Variants in KANK1 observed in about 807,000 individuals in gnomAD.
KANK1 encodes KN motif and ankyrin repeat domain-containing protein 1.
A neutral mutation model predicts 106.2 loss-of-function variants in KANK1; 109 were observed. That is an observed-to-expected ratio of 1.03 (90% CI 0.88 to 1.20). The LOEUF (loss-of-function observed/expected upper bound fraction) is 1.20. KANK1 is among the 50% of genes most tolerant of loss of function. The pLI is 0.00. For missense variants in KANK1, 2,399 were observed against 1,710.7 expected (o/e 1.40, Z -7.10); for synonymous variants, 873 against 652.2 (o/e 1.34, Z -5.16).
chr9:534,644 T>C (rs2060214480), intron 1 of KANK1, among the ~76,000 whole-genome samples: 1 of 152,226 alleles, frequency 6.6e-6, no homozygotes, highest in South Asian at 2.1e-4. Context: ...ATTTAACTAT[T>C]GATTGTTCAT....
chr9:676,830 G>A (rs974762026), intron 1 of KANK1, 60 bp from the exon 2 acceptor site: 4 of 612,572 alleles, frequency 6.5e-6, no homozygotes, highest in Non-Finnish European at 1.1e-5. Flanking sequence ...AGAAGTCTAA[G>A]ATTTAGTTTG....
intron 2 of KANK1, chr9:684,093 C>A (rs1402377714): frequency 1.1e-6 from 1 of 888,822 alleles, no homozygotes; most frequent in African/African-American, 1.9e-5. Context: ...TTGAAAAGCC[C>A]CTGGCTCATC....
chr9:677,954 G>A (rs1816731844), intron 2 of KANK1, among the ~76,000 whole-genome samples: 1 of 152,198 alleles, frequency 6.6e-6, no homozygotes, highest in African/African-American at 2.4e-5. Context: ...GGACCAGTGA[G>A]CGCACCAGAA....
At chr9:512,980 A>G (rs1563694939) in intron 1 of KANK1, among the ~76,000 whole-genome samples, 1 of 152,206 alleles carries the variant, frequency 6.6e-6, no homozygotes, top group Non-Finnish European at 1.5e-5. Context: ...CCGTAGAGAT[A>G]TGGAAAACTC....
intron 5 of KANK1, 35 bp downstream of exon 5, chr9:731,301 G>A: frequency 7.8e-7 from 1 of 1,276,360 alleles, no homozygotes; most frequent in Non-Finnish European, 1.1e-6. Context: ...GGCTAATGCT[G>A]TCAGTCTCCT....
At chr9:736,046 C>A (rs1833710730) in intron 7 of KANK1, among the ~76,000 whole-genome samples, 1 of 152,136 alleles carries the variant, frequency 6.6e-6, no homozygotes, top group African/African-American at 2.4e-5. Context: ...CAAGCTCCGC[C>A]TCCCGGGTTC....
intron 1 of KANK1, among the ~76,000 whole-genome samples, chr9:666,149 C>T (rs894772755): frequency 6.6e-6 from 1 of 151,292 alleles, no homozygotes; most frequent in Non-Finnish European, 1.5e-5. Context: ...TGACAGAGTG[C>T]AAACCTGGGT....
chr9:591,009 A>T (rs1312550450), intron 1 of KANK1, among the ~76,000 whole-genome samples: 1 of 151,824 alleles, frequency 6.6e-6, no homozygotes, highest in Non-Finnish European at 1.5e-5. Context: ...GTTTAAAACA[A>T]ACAAACAAAA....
intron 1 of KANK1, among the ~76,000 whole-genome samples, chr9:511,735 A>G (rs1057066240): frequency 1.3e-5 from 2 of 152,238 alleles, no homozygotes; most frequent in Non-Finnish European, 2.9e-5. Flanking sequence ...TTAAAATAAA[A>G]ACAAAACTCA....
intron 8 of KANK1, among the ~76,000 whole-genome samples, chr9:739,064 T>C (rs1834610238): frequency 6.6e-6 from 1 of 152,212 alleles, no homozygotes; most frequent in Admixed American, 6.5e-5. Flanking sequence ...GGGCATGTTA[T>C]TCTTGTCTCT....
chr9:594,657 T>G (rs999299013), intron 1 of KANK1, among the ~76,000 whole-genome samples: 1 of 151,866 alleles, frequency 6.6e-6, no homozygotes, highest in Non-Finnish European at 1.5e-5. Context: ...CCCTGAGTGT[T>G]TTTTTGATTT....
At chr9:532,496 T>C (rs889852364) in intron 1 of KANK1, among the ~76,000 whole-genome samples, 1 of 150,576 alleles carries the variant, frequency 6.6e-6, no homozygotes, top group Non-Finnish European at 1.5e-5. Flanking sequence ...TCTTCCTAAA[T>C]AGAAACTCTG....
At chr9:660,144 AT>A in intron 1 of KANK1, 1 of 344,982 alleles carries the variant, frequency 2.9e-6, no homozygotes, top group Non-Finnish European at 5.9e-6. Context: ...ACTGCTGATG[AT>A]TATGATAAAA....
At position 724,096 on chromosome 9, in the gene KANK1, A is replaced by G. The variant is rs541224067; in HGVS notation, c.2699-5955A>G. Among the ~76,000 whole-genome samples, 4 of 152,232 alleles carry G rather than the reference A, an allele frequency of 2.6e-5. No individual in the cohort carries two copies. The South Asian group carries it at 6.2e-4, about 24-fold the overall frequency. Reference sequence around the variant, plus strand: ...AGCCTGGGTGACAGAGTGAGATGCCATATCAAAAAAAAAGACTATTGGAGA... The same window carrying G: ...AGCCTGGGTGACAGAGTGAGATGCCGTATCAAAAAAAAAGACTATTGGAGA... On this transcript the variant is annotated intron_variant, in intron 3 of 11. Transcript: ENST00000382297.
chr9:719,001 C>T (rs1257589690), intron 3 of KANK1, among the ~76,000 whole-genome samples: 2 of 143,032 alleles, frequency 1.4e-5, no homozygotes, highest in African/African-American at 5.1e-5. Flanking sequence ...ACTCTGTCAC[C>T]CAGGCTGGAG....
chr9:470,412 T>A (rs1038085653), intron 1 of KANK1: 3 of 152,566 alleles, frequency 2.0e-5, no homozygotes, highest in Admixed American at 1.3e-4. Context: ...CTGAGGGCTT[T>A]TTTTCTCAAC....
At chr9:557,557 AG>A (rs1468777103) in intron 1 of KANK1, among the ~76,000 whole-genome samples, 1 of 152,216 alleles carries the variant, frequency 6.6e-6, no homozygotes, top group African/African-American at 2.4e-5. Context: ...AATTCTTGGT[AG>A]GGGGCTATTG....
intron 1 of KANK1, among the ~76,000 whole-genome samples, chr9:543,145 T>C (rs2060709583): frequency 6.6e-6 from 1 of 152,174 alleles, no homozygotes; most frequent in Non-Finnish European, 1.5e-5. Context: ...TATTTTTTAA[T>C]TATAACCTTA....
intron 1 of KANK1, among the ~76,000 whole-genome samples, chr9:505,556 C>G (rs560931715): frequency 5.3e-5 from 8 of 152,334 alleles, no homozygotes; most frequent in African/African-American, 1.9e-4. Flanking sequence ...CCGTTCATCT[C>G]CTTCACCCGG....
Sources: gnomAD v4.1 joint callset for allele counts (sites outside exome capture counted in the v4.1 genomes callset) on GRCh38, gnomAD v4.1.1 for gene constraint, MANE v1.5 for transcripts, NCBI Gene and HGNC (gene_info 2026-07-23, HGNC 2026-07-21) for gene names.